APBB2: variants seen among roughly 807,000 people sequenced by gnomAD.
APBB2 encodes the protein amyloid beta precursor protein binding family B member 2.
A neutral mutation model predicts 82.5 loss-of-function variants in APBB2; 38 were observed. That is an observed-to-expected ratio of 0.46 (90% CI 0.36 to 0.60). The LOEUF (loss-of-function observed/expected upper bound fraction) is 0.60, where lower values mean the gene tolerates loss of function less well. Among genes scored for constraint, APBB2 ranks in the 20% least tolerant of loss-of-function variants. The pLI, the probability that APBB2 is intolerant of heterozygous loss-of-function variation, is 0.00. For synonymous variants in APBB2, 341 were observed against 368.2 expected, an observed-to-expected ratio of 0.93 and a Z score of 0.85; for missense variants, 772 against 972.3, an observed-to-expected ratio of 0.79 and a Z score of 2.74.
At chr4:40,889,937 C>T (rs933631663) in intron 12 of APBB2, among the ~76,000 whole-genome samples, 15 of 152,162 alleles carry the variant, frequency 9.9e-5, no homozygotes, top group Non-Finnish European at 1.5e-4. Context: ...GGCTGTACAA[C>T]GTCCCCCTCA....
intron 4 of APBB2, among the ~76,000 whole-genome samples, chr4:41,063,879 A>C (rs73138572): frequency 2.1e-5 from 3 of 141,764 alleles, no homozygotes; most frequent in Non-Finnish European, 3.0e-5. Flanking sequence ...GGGTTTCATC[A>C]TGTTGCCCAA....
chr4:40,954,337 C>G (rs1791007775), intron 6 of APBB2, among the ~76,000 whole-genome samples: 1 of 152,120 alleles, frequency 6.6e-6, no homozygotes, highest in South Asian at 2.1e-4. Flanking sequence ...CTCCCTTCCC[C>G]AACATTTGTG....
At chr4:40,822,186 G>T in intron 16 of APBB2, 136 bp from the exon 17 acceptor site, 1 of 1,008,806 alleles carries the variant, frequency 9.9e-7, no homozygotes. Flanking sequence ...TCGAAAGGCG[G>T]AACCTTGCCC....
rs543408284 is a variant in APBB2, at chr4:40,893,176, T to G, written c.1401+89A>C. 56 of 1,518,926 alleles carry G rather than the reference T, an allele frequency of 3.7e-5. 1 individual carries two copies. In the South Asian group the frequency reaches 6.4e-4, roughly 17 times the overall value. The allele number at this position is 1,518,926 out of a possible 1,614,324, so 94.1% of individuals were successfully genotyped here. ...CACCTGATGAACACCTCGGAGCCCC[T>G]CAGTACCATGTGTCACTGAGCTGTG... On this transcript the variant is annotated intron_variant, in intron 11 of 17. Transcript: ENST00000508593.
intron 1 of APBB2, among the ~76,000 whole-genome samples, chr4:41,151,995 C>T (rs997887798): frequency 3.9e-5 from 6 of 152,092 alleles, no homozygotes; most frequent in Non-Finnish European, 5.9e-5. Flanking sequence ...GAAGAGATCT[C>T]GTCATGACCG....
intron 4 of APBB2, among the ~76,000 whole-genome samples, chr4:41,062,932 G>A (rs932511929): frequency 2.0e-5 from 3 of 152,176 alleles, no homozygotes; most frequent in Non-Finnish European, 4.4e-5. Flanking sequence ...GTAATCTCTG[G>A]AAAGGCACTC....
At chr4:41,159,955 G>GAGGAGGAGA (rs1764534299) in intron 1 of APBB2, among the ~76,000 whole-genome samples, 1 of 48,786 alleles carries the variant, frequency 2.0e-5, no homozygotes, top group African/African-American at 8.9e-5. Flanking sequence ...GAAGGAGAAG[G>GAGGAGGAGA]AGAAGGAGAA....
At chr4:41,017,949 T>C (rs1810474737) in intron 5 of APBB2, among the ~76,000 whole-genome samples, 1 of 152,356 alleles carries the variant, frequency 6.6e-6, no homozygotes, top group Admixed American at 6.5e-5. Flanking sequence ...CTGTTTTCTT[T>C]GGAATCAAAA....
Position 40,826,096 on chromosome 4 carries a change from T to C in APBB2, c.1733-126A>G. On this transcript the variant is annotated intron_variant, in intron 14 of 17. Coordinates refer to ENST00000508593, the MANE Select transcript of APBB2 (RefSeq NM_004307.2). The surrounding 1 kb of genome is among the most constrained non-coding windows in gnomAD (Gnocchi z 4.5). ...TGCCATAACGCCCTATGTTTCTGGA[T>C]GTAAATGTAACAACTATTCTACAAG... is the stretch of plus-strand genomic sequence containing the variant. The C allele has an allele frequency of 2.8e-6, 2 of 725,660 alleles. No homozygotes were observed. Among genetic ancestry groups the C allele is most frequent in the African/African-American group, 1.8e-5 (1 of 56,608 alleles). 45.0% of individuals were successfully genotyped at this position (725,660 alleles called of 1,614,324 possible).
At chr4:40,880,567 T>C in intron 12 of APBB2, 8 of 985,474 alleles carry the variant, frequency 8.1e-6, no homozygotes, top group Non-Finnish European at 9.6e-6. Flanking sequence ...CATGGGTTGT[T>C]AGGCTATTTC....
chr4:40,891,854 C>T (rs1326370086), intron 11 of APBB2, among the ~76,000 whole-genome samples: 1 of 152,172 alleles, frequency 6.6e-6, no homozygotes, highest in East Asian at 1.9e-4. Flanking sequence ...CAACCACCTA[C>T]CTTCTAAATC....
intron 6 of APBB2, among the ~76,000 whole-genome samples, chr4:40,973,418 G>A (rs1424609769): frequency 1.3e-5 from 2 of 152,138 alleles, no homozygotes; most frequent in African/African-American, 2.4e-5. Flanking sequence ...AAAACCTGCC[G>A]CTGCCAACCC....
chr4:40,880,314 G>A (rs1768108979), intron 12 of APBB2: 2 of 985,250 alleles, frequency 2.0e-6, no homozygotes, highest in African/African-American at 1.7e-5. Flanking sequence ...GTGACGAACT[G>A]TGCTGCACTA....
At chr4:40,981,349 T>C (rs1407944018) in intron 6 of APBB2, among the ~76,000 whole-genome samples, 1 of 151,532 alleles carries the variant, frequency 6.6e-6, no homozygotes, top group African/African-American at 2.4e-5. Context: ...ACCACTGTAC[T>C]CTGGCCTGGC....
Position 40,813,418 on chromosome 4 carries a change from T to C in APBB2, c.*2674A>G, listed in dbSNP as rs1469080177. On this transcript the variant is annotated 3_prime_UTR_variant, in exon 18 of 18. Coordinates refer to ENST00000508593, the MANE Select transcript of APBB2 (RefSeq NM_004307.2). The stretch of plus-strand genomic sequence containing the variant: ...ATCACAGATCTAAAGAATGCATAGA[T>C]AACTGAAGTGTCACTAAGATATCAG... 1 of 152,236 alleles carries C rather than the reference T, an allele frequency of 6.6e-6. No individual in the cohort carries two copies. The highest frequency in any genetic ancestry group is 2.4e-5 in the African/African-American group (1 of 41,460). 9.4% of individuals were successfully genotyped at this position (152,236 alleles called of 1,614,324 possible). A position where few individuals can be genotyped will look rare whatever the true frequency, so the allele number is the denominator to read the frequency against.
intron 4 of APBB2, among the ~76,000 whole-genome samples, chr4:41,038,241 A>C (rs933036206): frequency 7.3e-6 from 1 of 136,450 alleles, no homozygotes; most frequent in African/African-American, 2.5e-5. Context: ...TAAATAGATA[A>C]ATAAATAAAA....
chr4:40,954,515 C>T (rs1936523771), intron 6 of APBB2, among the ~76,000 whole-genome samples: 1 of 152,156 alleles, frequency 6.6e-6, no homozygotes, highest in South Asian at 2.1e-4. Context: ...GCCTAAGACA[C>T]TAGTTCTCAA....
At chr4:41,178,026 T>C (rs544758363) in intron 1 of APBB2, among the ~76,000 whole-genome samples, 1 of 152,242 alleles carries the variant, frequency 6.6e-6, no homozygotes, top group East Asian at 1.9e-4. Flanking sequence ...GTACAGGGTC[T>C]CACACGCAGA....
intron 4 of APBB2, among the ~76,000 whole-genome samples, chr4:41,045,394 C>T (rs1248897582): frequency 6.6e-6 from 1 of 151,920 alleles, no homozygotes; most frequent in African/African-American, 2.4e-5. Flanking sequence ...CCCATGTTCA[C>T]GCCATTCTCC....
Sources: gnomAD v4.1 joint callset for allele counts (sites outside exome capture counted in the v4.1 genomes callset) on GRCh38, gnomAD v4.1.1 for gene constraint, Gnocchi (gnomAD v3.1) non-coding constraint, MANE v1.5 for transcripts, NCBI Gene and HGNC (gene_info 2026-07-23, HGNC 2026-07-21) for gene names.